Variants in PFKFB3 observed in about 807,000 individuals in gnomAD.
PFKFB3 encodes 6-phosphofructo-2-kinase/fructose-2,6-bisphosphatase 3.
A neutral mutation model predicts 68.0 loss-of-function variants in PFKFB3; 33 were observed. The observed-to-expected ratio is 0.49, with a 90% CI of 0.37 to 0.65. The LOEUF is 0.65. PFKFB3 is among the 30% of genes least tolerant of loss of function. The pLI is 0.00. For synonymous variants in PFKFB3, 315 were observed against 288.2 expected, an observed-to-expected ratio of 1.09 and a Z score of -0.94; for missense variants, 586 against 712.2, an observed-to-expected ratio of 0.82 and a Z score of 2.02.
At chr10:6,242,883 C>A (rs542350749) in intron 14 of PFKFB3, among the ~76,000 whole-genome samples, 1 of 152,190 alleles carries the variant, frequency 6.6e-6, no homozygotes, top group African/African-American at 2.4e-5. Flanking sequence ...CCACTGCGCC[C>A]GGCCTAAACA....
chr10:6,154,130 C>T lies in PFKFB3; in HGVS notation c.16+9117C>T, dbSNP rs1183221416. Among the ~76,000 whole-genome samples, 1 of 152,168 alleles carries T rather than the reference C, an allele frequency of 6.6e-6. No individual in the cohort carries two copies. The highest frequency in any genetic ancestry group is 1.5e-5 in the Non-Finnish European group (1 of 68,026). Reference sequence around the variant, plus strand: ...AGGGTGGAAGCCAGGTGGACACAGGCTTAGGAAGGGAGTGGCGGCTCAGCA... The same window carrying T: ...AGGGTGGAAGCCAGGTGGACACAGGTTTAGGAAGGGAGTGGCGGCTCAGCA... On this transcript the variant is annotated intron_variant, in intron 1 of 14. Transcript: ENST00000379789. This position sits in a 1 kb window ranked among gnomAD's most constrained non-coding sequence, Gnocchi z 4.6.
intron 1 of PFKFB3, among the ~76,000 whole-genome samples, chr10:6,147,792 G>A (rs1044468940): frequency 2.6e-5 from 4 of 151,488 alleles, no homozygotes; most frequent in Admixed American, 2.0e-4. Context: ...GGACCTGACG[G>A]GGTGGTCCAT....
chr10:6,259,570 T>TCCATCCATC (rs370549015), downstream of PFKFB3, among the ~76,000 whole-genome samples: 1,388 of 28,438 alleles, frequency 0.049, 50 homozygotes, highest in East Asian at 0.32. Flanking sequence ...ATCCATCCAC[T>TCCATCCATC]CATCCATCCA....
At chr10:6,249,668 TGTTTACAGAG>T (rs1846333712) in intron 14 of PFKFB3, among the ~76,000 whole-genome samples, 1 of 152,086 alleles carries the variant, frequency 6.6e-6, no homozygotes, top group Non-Finnish European at 1.5e-5. Context: ...AGAAGAATGG[TGTTTACAGAG>T]GCTGGAGTAT....
chr10:6,242,444 G>C (rs1399174273), intron 14 of PFKFB3, among the ~76,000 whole-genome samples: 1 of 152,160 alleles, frequency 6.6e-6, no homozygotes, highest in Non-Finnish European at 1.5e-5. Context: ...CAGGTACCTC[G>C]TTTTCCAGCC....
chr10:6,260,792 A>G, the PFKFB3 span, among the ~76,000 whole-genome samples: 1 of 152,092 alleles, frequency 6.6e-6, no homozygotes, highest in Non-Finnish European at 1.5e-5. Flanking sequence ...ATTCTACTGT[A>G]TTTGGTCATG....
At chr10:6,264,658 T>C in the PFKFB3 span, among the ~76,000 whole-genome samples, 1 of 152,214 alleles carries the variant, frequency 6.6e-6, no homozygotes, top group Non-Finnish European at 1.5e-5. Flanking sequence ...TTCCCTTTAC[T>C]CAAAATGTTT....
downstream of PFKFB3, among the ~76,000 whole-genome samples, chr10:6,237,147 T>G (rs1201964155): frequency 6.6e-6 from 1 of 152,196 alleles, no homozygotes; most frequent in Non-Finnish European, 1.5e-5. Flanking sequence ...CGACACTTCC[T>G]CCCCATCCCC....
chr10:6,312,795 T>C, the PFKFB3 span, among the ~76,000 whole-genome samples: 2 of 152,234 alleles, frequency 1.3e-5, no homozygotes, highest in Admixed American at 6.5e-5. Flanking sequence ...AACTTAGCTA[T>C]ACGCCCTGGT....
intron 1 of PFKFB3, among the ~76,000 whole-genome samples, chr10:6,153,620 G>A (rs55882513): frequency 0.26 from 38,995 of 152,152 alleles, 5,186 homozygotes; most frequent in Middle Eastern, 0.31. Context: ...TTGGGAGGCC[G>A]AGGCAGGCGG....
rs539725506 is a variant in PFKFB3 at position 6,154,437 on chromosome 10, G to A, written c.16+9424G>A. On this transcript the variant is annotated intron_variant, in intron 1 of 14. Transcript: ENST00000379789. The surrounding 1 kb of genome is among the most constrained non-coding windows in gnomAD (Gnocchi z 4.6). ...ATTTTTTTGTATTTTTAGTAGAGAC[G>A]GAATTTCACCACGTTGGTCAGGCTG... Among the ~76,000 whole-genome samples, 8 of 152,204 alleles carry A rather than the reference G, an allele frequency of 5.3e-5. No individual in the cohort carries two copies. In the East Asian group the frequency reaches 7.7e-4, roughly 15 times the overall value.
In PFKFB3 at chr10:6,242,522, A is replaced by G. The variant is rs530950467; in HGVS notation, c.1516-11656A>G. Among the ~76,000 whole-genome samples, 5 of 151,996 alleles carry G rather than the reference A, an allele frequency of 3.3e-5. No homozygotes were observed. In the South Asian group the frequency reaches 8.3e-4, roughly 25 times the overall value. On this transcript the variant is annotated intron_variant, in intron 14 of 14. Coordinates refer to the PFKFB3 transcript ENST00000640683. The stretch of plus-strand genomic sequence containing the variant: ...GCCTTAACTATTATGCATGGTCTCT[A>G]ATGTGTGCAGGCGAACCTGTGGGAT...
chr10:6,227,672 C>G (rs1028649589), intron 14 of PFKFB3, among the ~76,000 whole-genome samples: 1 of 152,188 alleles, frequency 6.6e-6, no homozygotes, highest in Non-Finnish European at 1.5e-5. Context: ...AGCCTGGAGG[C>G]CTGGCTTTGG....
At chr10:6,310,601 A>C in the PFKFB3 span, among the ~76,000 whole-genome samples, 1 of 152,210 alleles carries the variant, frequency 6.6e-6, no homozygotes, top group Non-Finnish European at 1.5e-5. Flanking sequence ...GCATTTGTTT[A>C]TAGTCGGCCT....
At chr10:6,184,935 A>G (rs1030104748) in intron 1 of PFKFB3, among the ~76,000 whole-genome samples, 5 of 152,044 alleles carry the variant, frequency 3.3e-5, no homozygotes, top group Non-Finnish European at 5.9e-5. Flanking sequence ...TGCCACAGGT[A>G]TTGAAAGCCA....
chr10:6,292,271 TTTTTTTC>T, the PFKFB3 span, among the ~76,000 whole-genome samples: 623 of 129,026 alleles, frequency 4.8e-3, 31 homozygotes, highest in East Asian at 0.054. Context: ...GTGTACTTTT[TTTTTTTC>T]TTTTTTTTTT....
downstream of PFKFB3, chr10:6,254,661 A>G (rs1846460887): frequency 8.1e-6 from 2 of 245,730 alleles, no homozygotes; most frequent in African/African-American, 4.4e-5. Flanking sequence ...TTATTATAAG[A>G]TAGACTTTGA....
intron 1 of PFKFB3, among the ~76,000 whole-genome samples, chr10:6,173,178 CT>C: frequency 6.6e-6 from 1 of 152,332 alleles, no homozygotes; most frequent in Admixed American, 6.5e-5. Context: ...CCCTCCCTGA[CT>C]TTCTAGGCAG....
At chr10:6,213,427 G>A (rs573490537) in intron 1 of PFKFB3, among the ~76,000 whole-genome samples, 196 bp from the exon 2 acceptor site, 8 of 152,270 alleles carry the variant, frequency 5.3e-5, no homozygotes, top group East Asian at 1.9e-4. Flanking sequence ...GGCTAAGGCC[G>A]GAGGATTGTT....
Sources: allele counts gnomAD v4.1 joint callset (sites outside exome capture counted in the v4.1 genomes callset), GRCh38; gene constraint gnomAD v4.1.1; non-coding constraint Gnocchi (gnomAD v3.1); transcripts MANE v1.5; gene names NCBI Gene and HGNC (gene_info 2026-07-23, HGNC 2026-07-21).